Variants in MID2 observed in about 807,000 individuals in gnomAD.
MID2 encodes the protein midline 2.
In MID2, 13 loss-of-function variants were observed where a neutral mutation model predicts 46.1. That is an observed-to-expected ratio of 0.28 (90% CI 0.18 to 0.45). The LOEUF is 0.45. Ranked by LOEUF, MID2 falls within the 20% of genes least tolerant of loss-of-function variation. The pLI, the probability that MID2 is intolerant of heterozygous loss-of-function variation, is 1.00. For missense variants in MID2, 431 were observed against 575.4 expected, an observed-to-expected ratio of 0.75 and a Z score of 2.57; for synonymous variants, 199 against 212.3, an observed-to-expected ratio of 0.94 and a Z score of 0.55.
At chrX:107,837,815 C>T (rs1931243676) in intron 1 of MID2, among the ~76,000 whole-genome samples, 1 of 111,665 alleles carries the variant, frequency 9.0e-6, no homozygotes. Flanking sequence ...CACAAGTTTC[C>T]TGAAAGAATT....
At chrX:107,882,182 T>G (rs1243908730) in intron 3 of MID2, among the ~76,000 whole-genome samples, 2 of 112,229 alleles carry the variant, frequency 1.8e-5, no homozygotes, top group African/African-American at 6.5e-5. Flanking sequence ...ATCCCTTCCT[T>G]ACACCTTATA....
intron 2 of MID2, among the ~76,000 whole-genome samples, chrX:107,850,130 C>T (rs751593006): frequency 4.0e-4 from 44 of 110,996 alleles, no homozygotes; most frequent in African/African-American, 1.4e-3. Flanking sequence ...TGAACAACAA[C>T]GAAGAGACAT....
intron 3 of MID2, among the ~76,000 whole-genome samples, chrX:107,865,377 C>T (rs1333664320): frequency 1.8e-5 from 2 of 112,531 alleles, no homozygotes; most frequent in African/African-American, 3.2e-5. Flanking sequence ...TGCCTCTGCA[C>T]GTGCTATGCA....
At chrX:107,887,138 T>C (rs1201371326) in intron 3 of MID2, among the ~76,000 whole-genome samples, 1 of 111,593 alleles carries the variant, frequency 9.0e-6, no homozygotes, top group Non-Finnish European at 1.9e-5. Flanking sequence ...CTAATTGCCC[T>C]GGCCAGAACT....
chrX:107,857,576 C>T (rs1441155965), intron 3 of MID2, among the ~76,000 whole-genome samples: 1 of 111,810 alleles, frequency 8.9e-6, no homozygotes, highest in Non-Finnish European at 1.9e-5. Flanking sequence ...CCACCGGGCC[C>T]GGCCAACTTC....
rs747136126 is a variant in MID2, at chrX:107,838,333, T to C, written c.5-2337T>C. On this transcript the variant is annotated intron_variant, in intron 1 of 9. Coordinates refer to ENST00000262843, the MANE Select transcript of MID2 (RefSeq NM_012216.4). ...TTGGAATCTTCATCTCTCAAAAGTCTCTTCCAATTCTAAGATTCAATGATG... is the reference window on the plus strand; with the variant it reads ...TTGGAATCTTCATCTCTCAAAAGTCCCTTCCAATTCTAAGATTCAATGATG... Among the ~76,000 whole-genome samples, 416 of 112,518 alleles carry C rather than the reference T, an allele frequency of 3.7e-3. 1 individual carries two copies. Among genetic ancestry groups the C allele is most frequent in the Non-Finnish European group, 6.3e-3 (336 of 53,266 alleles).
chrX:107,905,386 C>A, intron 4 of MID2, 92 bp from the exon 5 acceptor site: 1 of 739,806 alleles, frequency 1.4e-6, no homozygotes, highest in Admixed American at 2.9e-5. Context: ...TTTAGAATCA[C>A]TGCAGCATGC....
In MID2 at chrX:107,873,282, G is replaced by A. The variant is rs893968875; in HGVS notation, c.816+18578G>A. Reference sequence around the variant, plus strand: ...GGATGCCTCTTGCCTTTGGCATATGGGTGAAATCCACTGCTAGTCTTCCCC... The same window carrying A: ...GGATGCCTCTTGCCTTTGGCATATGAGTGAAATCCACTGCTAGTCTTCCCC... On this transcript the variant is annotated intron_variant, in intron 3 of 9. Transcript: ENST00000262843. Among the ~76,000 whole-genome samples, 3 of 110,214 alleles carry A rather than the reference G, an allele frequency of 2.7e-5. No individual in the cohort carries two copies. In the East Asian group the frequency reaches 8.7e-4, roughly 32 times the overall value.
intron 8 of MID2, among the ~76,000 whole-genome samples, chrX:107,925,174 G>A (rs761999044): frequency 1.8e-5 from 2 of 112,341 alleles, no homozygotes; most frequent in South Asian, 7.5e-4. Flanking sequence ...AACTTTCCTA[G>A]AACTTTCCCC....
intron 3 of MID2, chrX:107,894,652 TG>T (rs1371949011): frequency 8.9e-6 from 1 of 111,947 alleles, no homozygotes; most frequent in African/African-American, 3.3e-5. Context: ...AAATATTTAC[TG>T]AGCATTTACT....
intron 5 of MID2, among the ~76,000 whole-genome samples, chrX:107,912,878 T>C (rs1181379913): frequency 9.0e-6 from 1 of 111,456 alleles, no homozygotes; most frequent in Non-Finnish European, 1.9e-5. Flanking sequence ...CCCACCATTA[T>C]GCATTGTATT....
At chrX:107,833,092 T>A (rs1354131079) in intron 1 of MID2, among the ~76,000 whole-genome samples, 1 of 111,987 alleles carries the variant, frequency 8.9e-6, no homozygotes, top group Non-Finnish European at 1.9e-5. Context: ...GTGGCTGTGA[T>A]GTCTATCACT....
chrX:107,884,747 C>T (rs5917075), intron 3 of MID2, among the ~76,000 whole-genome samples: 2,919 of 112,096 alleles, frequency 0.026, 34 homozygotes, highest in Middle Eastern at 0.074. Context: ...GAAGTCTTGG[C>T]CTTGGAGTTA....
At chrX:107,902,108 TA>T (rs1257672878) in intron 3 of MID2, among the ~76,000 whole-genome samples, 1 of 111,912 alleles carries the variant, frequency 8.9e-6, no homozygotes, top group Non-Finnish European at 1.9e-5. Flanking sequence ...TGTGTAACCT[TA>T]AGCAAGTCAC....
intron 5 of MID2, among the ~76,000 whole-genome samples, chrX:107,911,871 G>A (rs1932899970): frequency 8.9e-6 from 1 of 111,852 alleles, no homozygotes; most frequent in African/African-American, 3.3e-5. Context: ...TTGATTGGAG[G>A]GGCAGCGGTG....
intron 3 of MID2, among the ~76,000 whole-genome samples, chrX:107,874,244 C>T (rs1932142943): frequency 8.9e-6 from 1 of 111,910 alleles, no homozygotes; most frequent in Non-Finnish European, 1.9e-5. Flanking sequence ...TAGGGAGGGA[C>T]AGGTTCTTAA....
chrX:107,905,321 GGGTGAGAAGGTGA>G (rs1932826624), intron 4 of MID2, among the ~76,000 whole-genome samples, 144 bp from the exon 5 acceptor site: 1 of 111,371 alleles, frequency 9.0e-6, no homozygotes, highest in Non-Finnish European at 1.9e-5. Context: ...ACAGTGGGTA[GGGTGAGAAGGTGA>G]GTGGTTAGTA....
chrX:107,829,087 C>T (rs1351537013), intron 1 of MID2, among the ~76,000 whole-genome samples: 1 of 111,794 alleles, frequency 8.9e-6, no homozygotes, highest in African/African-American at 3.3e-5. Context: ...CCATGTTTCC[C>T]AGTCTGGTCT....
intron 3 of MID2, among the ~76,000 whole-genome samples, chrX:107,856,086 C>T (rs1931732299): frequency 8.9e-6 from 1 of 112,063 alleles, no homozygotes; most frequent in Admixed American, 9.4e-5. Context: ...GATAACATGA[C>T]CTTCGACTTC....
Sources: allele counts gnomAD v4.1 joint callset (sites outside exome capture counted in the v4.1 genomes callset), GRCh38; gene constraint gnomAD v4.1.1; transcripts MANE v1.5; gene names NCBI Gene and HGNC (gene_info 2026-07-23, HGNC 2026-07-21).